Variants in DIP2C observed in about 807,000 individuals in gnomAD.
DIP2C encodes DIP2 acetate--CoA ligase C (putative), also known as disco-interacting protein 2 homolog C.
Under a neutral mutation model 192.4 loss-of-function variants are expected in DIP2C, and 33 were observed. The observed-to-expected ratio is 0.17, with a 90% CI of 0.13 to 0.23. DIP2C has a LOEUF of 0.23. Ranked by LOEUF, DIP2C falls within the 10% of genes least tolerant of loss-of-function variation. The pLI is 1.00. For synonymous variants in DIP2C, 979 were observed against 864.1 expected (o/e 1.13, Z -2.33); for missense variants, 1,537 against 2,110.1 (o/e 0.73, Z 5.32).
At chr10:638,841 G>A (rs1287198626) in intron 1 of DIP2C, among the ~76,000 whole-genome samples, 5 of 152,218 alleles carry the variant, frequency 3.3e-5, no homozygotes, top group African/African-American at 7.2e-5. Flanking sequence ...AGAGGTGCCC[G>A]CGAAGGCATC....
intron 1 of DIP2C, among the ~76,000 whole-genome samples, chr10:569,901 A>G (rs1317526707): frequency 2.6e-5 from 4 of 152,196 alleles, no homozygotes; most frequent in East Asian, 1.9e-4. Context: ...TCCTATGTCC[A>G]TAAGTCAGCA....
rs1438930970 is a variant in DIP2C, at chr10:678,437, C to G, written c.85+11057G>C. ...TGAGCACAGAGTACGTGTTCGGCAG[C>G]ATCTGTCAGAGCAGAGGAAGCACAC... On this transcript the variant is annotated intron_variant, in intron 1 of 36. Transcript: ENST00000280886. 5.3e-5 allele frequency among the ~76,000 whole-genome samples: 8 copies of G among 152,186 alleles called. 1 individual carries two copies. The East Asian group carries it at 1.2e-3, about 22-fold the overall frequency.
intron 29 of DIP2C, among the ~76,000 whole-genome samples, chr10:339,094 T>C (rs1958018493): frequency 6.6e-6 from 1 of 151,718 alleles, no homozygotes; most frequent in African/African-American, 2.4e-5. Flanking sequence ...CAGCCTGAGG[T>C]CGAGGCGTCC....
chr10:388,686 G>A (rs577264590), intron 13 of DIP2C, among the ~76,000 whole-genome samples: 5 of 152,310 alleles, frequency 3.3e-5, no homozygotes, highest in Admixed American at 2.0e-4. Flanking sequence ...GAATACCCAC[G>A]AGACACACAC....
intron 1 of DIP2C, among the ~76,000 whole-genome samples, chr10:538,133 G>A (rs1847792482): frequency 6.6e-6 from 1 of 152,124 alleles, no homozygotes; most frequent in African/African-American, 2.4e-5. Context: ...TCTAGACTCT[G>A]TATCCTCTGT....
intron 4 of DIP2C, among the ~76,000 whole-genome samples, chr10:428,515 A>T (rs529537027): frequency 6.6e-6 from 1 of 152,128 alleles, no homozygotes; most frequent in Non-Finnish European, 1.5e-5. Context: ...GAAGTCATGC[A>T]TTGTTCAAAT....
chr10:598,710 T>C (rs1851870983), intron 1 of DIP2C, among the ~76,000 whole-genome samples: 3 of 152,210 alleles, frequency 2.0e-5, no homozygotes, highest in Non-Finnish European at 4.4e-5. Flanking sequence ...ACACCGTGGC[T>C]TGTGTTTTAG....
At chr10:592,348 T>A (rs1028116376) in intron 1 of DIP2C, among the ~76,000 whole-genome samples, 2 of 152,144 alleles carry the variant, frequency 1.3e-5, no homozygotes, top group South Asian at 4.1e-4. Context: ...CACCACATTA[T>A]CTTCTACAAA....
At chr10:662,649 A>ATTTTTTTTT in intron 1 of DIP2C, 2 of 562,584 alleles carry the variant, frequency 3.6e-6, no homozygotes, top group African/African-American at 1.9e-5. Flanking sequence ...ATATGGGGGA[A>ATTTTTTTTT]TTTTTTTTTC....
rs532829893 is a variant in DIP2C, at chr10:621,132, G to A, written c.85+68362C>T. Among the ~76,000 whole-genome samples, 4 of 152,274 alleles carry A rather than the reference G, an allele frequency of 2.6e-5. No individual in the cohort carries two copies. In the South Asian group the frequency reaches 6.2e-4, roughly 24 times the overall value. Reference sequence around the variant, plus strand: ...GACCCCGACCCAAGGGGCCACTGACGGACTCAACACAGGCACAGGGCCGCC... The same window carrying A: ...GACCCCGACCCAAGGGGCCACTGACAGACTCAACACAGGCACAGGGCCGCC... On this transcript the variant is annotated intron_variant, in intron 1 of 36. Transcript: ENST00000280886.
chr10:494,911 G>T (rs1011938119), intron 1 of DIP2C, among the ~76,000 whole-genome samples: 1 of 152,234 alleles, frequency 6.6e-6, no homozygotes, highest in African/African-American at 2.4e-5. Context: ...TTAAACCAGT[G>T]TAAGGGAGAG....
chr10:294,727 A>T (rs1044324146), intron 32 of DIP2C, among the ~76,000 whole-genome samples: 4 of 152,148 alleles, frequency 2.6e-5, no homozygotes, highest in African/African-American at 4.8e-5. Flanking sequence ...TTAAAAAAAA[A>T]ATTTATTTTT....
chr10:519,112 A>AG (rs1846537798), intron 1 of DIP2C, among the ~76,000 whole-genome samples: 1 of 152,206 alleles, frequency 6.6e-6, no homozygotes, highest in African/African-American at 2.4e-5. Context: ...TCCAGCCATT[A>AG]GGGGTGAGCC....
intron 1 of DIP2C, among the ~76,000 whole-genome samples, chr10:515,906 C>T (rs1365487417): frequency 6.6e-6 from 1 of 152,004 alleles, no homozygotes; most frequent in African/African-American, 2.4e-5. Flanking sequence ...TCCTGGGACC[C>T]AATAACACTG....
At position 332,641 on chromosome 10, in the gene DIP2C, T is replaced by C. The variant is rs527328515; in HGVS notation, c.3585-3040A>G. 1.2e-4 allele frequency among the ~76,000 whole-genome samples: 19 copies of C among 152,386 alleles called. No homozygotes were observed. The South Asian group carries it at 3.3e-3, about 27-fold the overall frequency. On this transcript the variant is annotated intron_variant, in intron 29 of 36. Coordinates refer to ENST00000280886, the MANE Select transcript of DIP2C (RefSeq NM_014974.3). ...TTATTCTCTGAGAATGTTGGGAACC[T>C]GAGCTGTTCTTCAGATCTTAACTTC...
At chr10:371,393 G>A (rs1024421687) in intron 17 of DIP2C, among the ~76,000 whole-genome samples, 4 of 152,188 alleles carry the variant, frequency 2.6e-5, no homozygotes, top group Non-Finnish European at 5.9e-5. Flanking sequence ...CATTGTAAAG[G>A]CGGAAATTGA....
At chr10:340,942 G>T (rs1341044594) in intron 29 of DIP2C, 7 of 574,472 alleles carry the variant, frequency 1.2e-5, no homozygotes, top group Non-Finnish European at 2.3e-5. Flanking sequence ...TCTTCTGATT[G>T]TCAGAAATAA....
In DIP2C at chr10:682,199, G is replaced by A. The variant is rs183155661; in HGVS notation, c.85+7295C>T. ...GGCCAGGGCTTCTTCCTGCAGCAAC[G>A]CACTCAGGACCCTGCGCTGGGCACA... On this transcript the variant is annotated intron_variant, in intron 1 of 36. Transcript: ENST00000280886. Among the ~76,000 whole-genome samples, 239 of 152,342 alleles carry A rather than the reference G, an allele frequency of 1.6e-3. 1 individual carries two copies. The highest frequency in any genetic ancestry group is 5.4e-3 in the African/African-American group (226 of 41,572).
intron 1 of DIP2C, among the ~76,000 whole-genome samples, chr10:571,487 T>C (rs556656874): frequency 2.1e-5 from 3 of 144,834 alleles, no homozygotes; most frequent in South Asian, 4.9e-4. Context: ...TTCACTCCCA[T>C]TCTCCCTCCC....
Sources: allele counts gnomAD v4.1 joint callset (sites outside exome capture counted in the v4.1 genomes callset), GRCh38; gene constraint gnomAD v4.1.1; transcripts MANE v1.5; gene names NCBI Gene and HGNC (gene_info 2026-07-23, HGNC 2026-07-21).